KLF12: variants seen among roughly 807,000 people sequenced by gnomAD.
KLF12 encodes KLF transcription factor 12.
Under a neutral mutation model 37.8 loss-of-function variants are expected in KLF12, and 9 were observed. The observed-to-expected ratio is 0.24, with a 90% CI of 0.14 to 0.42. KLF12 has a LOEUF of 0.42. Among genes scored for constraint, KLF12 ranks in the 10% least tolerant of loss-of-function variants. The pLI is 1.00. For synonymous variants in KLF12, 208 were observed against 202.1 expected (o/e 1.03, Z -0.25); for missense variants, 411 against 516.0 (o/e 0.80, Z 1.97).
chr13:73,848,696 T>G (rs141808493), intron 3 of KLF12, among the ~76,000 whole-genome samples: 1 of 151,766 alleles, frequency 6.6e-6, no homozygotes, highest in African/African-American at 2.4e-5. Flanking sequence ...CCTAGGTACT[T>G]TGAGACACTT....
the KLF12 span, among the ~76,000 whole-genome samples, chr13:74,241,852 C>A: frequency 6.6e-6 from 1 of 152,136 alleles, no homozygotes; most frequent in Non-Finnish European, 1.5e-5. Context: ...TCTGGCACTC[C>A]GTAGTGAGAT....
intron 3 of KLF12, among the ~76,000 whole-genome samples, chr13:73,927,745 ATT>A (rs34515464): frequency 4.2e-4 from 57 of 135,980 alleles, no homozygotes; most frequent in Admixed American, 6.7e-4. Flanking sequence ...ACCCGGCTAA[ATT>A]TTTTTTTTTT....
the KLF12 span, among the ~76,000 whole-genome samples, chr13:74,151,661 A>C: frequency 7.1e-6 from 1 of 140,532 alleles, no homozygotes; most frequent in African/African-American, 2.5e-5. Flanking sequence ...TCAATAAATA[A>C]ATAAATAAAT....
chr13:73,778,866 G>A (rs776935475), intron 5 of KLF12, among the ~76,000 whole-genome samples: 3 of 152,158 alleles, frequency 2.0e-5, no homozygotes, highest in Non-Finnish European at 2.9e-5. Flanking sequence ...TTTATTTTAA[G>A]AGCAAAGAAG....
intron 1 of KLF12, among the ~76,000 whole-genome samples, chr13:74,108,120 A>G (rs142207656): frequency 2.0e-5 from 3 of 152,252 alleles, no homozygotes; most frequent in African/African-American, 7.2e-5. Flanking sequence ...ATAACTCACA[A>G]TAGAGATCAT....
At chr13:73,753,792 A>G (rs915766362) in intron 6 of KLF12, among the ~76,000 whole-genome samples, 4 of 152,220 alleles carry the variant, frequency 2.6e-5, no homozygotes, top group Non-Finnish European at 5.9e-5. Flanking sequence ...AAAGAAGACA[A>G]GCAAGTAAAG....
chr13:74,156,601 AT>A, the KLF12 span, among the ~76,000 whole-genome samples: 186 of 152,064 alleles, frequency 1.2e-3, 3 homozygotes, highest in South Asian at 0.011. Context: ...CCCATTAGCC[AT>A]CCCCACGCCC....
chr13:73,721,468 T>C (rs940714988), intron 6 of KLF12, among the ~76,000 whole-genome samples: 1 of 152,188 alleles, frequency 6.6e-6, no homozygotes, highest in Non-Finnish European at 1.5e-5. Context: ...TTTAAAAAGG[T>C]AAACCGTTCT....
chr13:73,917,861 TCAAA>T (rs1336655030), intron 3 of KLF12, among the ~76,000 whole-genome samples: 5 of 152,046 alleles, frequency 3.3e-5, no homozygotes, highest in African/African-American at 1.2e-4. Flanking sequence ...ATTTTAAAAA[TCAAA>T]CTAAGTAAAA....
intron 1 of KLF12, among the ~76,000 whole-genome samples, chr13:74,033,358 C>T (rs1208669238): frequency 6.6e-6 from 1 of 152,176 alleles, no homozygotes; most frequent in Non-Finnish European, 1.5e-5. Context: ...TAAAACCTGG[C>T]TCCACACTTC....
At position 73,687,710 on chromosome 13, in the gene KLF12, A is replaced by G. The variant is rs2137503962; in HGVS notation, c.*7780T>C. 1 of 152,250 alleles carries G rather than the reference A, an allele frequency of 6.6e-6. No homozygotes were observed. The highest frequency in any genetic ancestry group is 2.4e-5 in the African/African-American group (1 of 41,542). The allele number at this position is 152,250 out of a possible 1,614,324, so 9.4% of individuals were successfully genotyped here. On this transcript the variant is annotated 3_prime_UTR_variant, in exon 8 of 8. Coordinates refer to ENST00000377669, the MANE Select transcript of KLF12 (RefSeq NM_007249.5). ...AAATTCTATCCTCCTATTAACCCTT[A>G]CTTCTCAACAAAAATGAATCTCTGT...
At chr13:73,965,817 T>C (rs1891156680) in intron 2 of KLF12, among the ~76,000 whole-genome samples, 1 of 152,226 alleles carries the variant, frequency 6.6e-6, no homozygotes, top group South Asian at 2.1e-4. Flanking sequence ...TAACATGCTC[T>C]TCAAGCTACG....
chr13:74,150,785 A>G, the KLF12 span, among the ~76,000 whole-genome samples: 2 of 152,162 alleles, frequency 1.3e-5, no homozygotes, highest in Admixed American at 6.6e-5. Flanking sequence ...TAAGGGACAC[A>G]AGGGGGGCAG....
intron 6 of KLF12, 57 bp from the exon 7 acceptor site, chr13:73,715,582 C>T: frequency 6.4e-7 from 1 of 1,561,856 alleles, no homozygotes; most frequent in Non-Finnish European, 8.7e-7. Flanking sequence ...CATTTTGGTT[C>T]TGGTGGCATG....
the KLF12 span, chr13:74,257,425 C>T: frequency 6.6e-6 from 1 of 152,160 alleles, no homozygotes; most frequent in African/African-American, 2.4e-5. Flanking sequence ...CCTATGCAGC[C>T]ATAGGAAAAC....
intron 2 of KLF12, among the ~76,000 whole-genome samples, chr13:73,985,308 G>C (rs1419500619): frequency 6.6e-6 from 1 of 152,170 alleles, no homozygotes; most frequent in Non-Finnish European, 1.5e-5. Context: ...CTGTTTTGCA[G>C]CAATGGATGA....
chr13:73,861,630 C>T (rs969261701), intron 3 of KLF12, among the ~76,000 whole-genome samples: 3 of 152,152 alleles, frequency 2.0e-5, no homozygotes, highest in African/African-American at 7.2e-5. Context: ...ATTAAGCTAT[C>T]ATCTTTTTCC....
At chr13:73,830,991 TACACACACACACAC>T (rs71115618) in intron 4 of KLF12, among the ~76,000 whole-genome samples, 5 of 118,926 alleles carry the variant, frequency 4.2e-5, no homozygotes, top group African/African-American at 1.4e-4. Context: ...ACGCAATTCA[TACACACACACACAC>T]ACACACACAC....
intron 2 of KLF12, among the ~76,000 whole-genome samples, chr13:73,981,004 A>T (rs1357336274): frequency 6.6e-6 from 1 of 152,126 alleles, no homozygotes; most frequent in Non-Finnish European, 1.5e-5. Context: ...TATAAAAAAT[A>T]CAAAAATTAG....
Sources: gnomAD v4.1 joint callset for allele counts (sites outside exome capture counted in the v4.1 genomes callset) on GRCh38, gnomAD v4.1.1 for gene constraint, MANE v1.5 for transcripts, NCBI Gene and HGNC (gene_info 2026-07-23, HGNC 2026-07-21) for gene names.